Variants in FZD9 observed in about 807,000 individuals in gnomAD.
FZD9 encodes frizzled-9.
FZD9 carries 29 observed loss-of-function variants against 29.9 expected under a neutral mutation model. The ratio of observed to expected loss-of-function variants is 0.97; its 90% CI spans 0.72 to 1.32. FZD9 has a LOEUF of 1.32. Among genes scored for constraint, FZD9 ranks in the 40% most tolerant of loss-of-function variants. FZD9 has a pLI of 0.00. For synonymous variants in FZD9, 384 were observed against 393.9 expected (o/e 0.97, Z 0.30); for missense variants, 822 against 857.8 (o/e 0.96, Z 0.52).
chr7:73,435,214 C>A lies in FZD9; in HGVS notation c.1207C>A (p.Leu403Met). 1 of 1,613,458 alleles carries A rather than the reference C, an allele frequency of 6.2e-7. No individual in the cohort carries two copies. Among genetic ancestry groups the A allele is most frequent in the Non-Finnish European group, 8.5e-7 (1 of 1,180,030 alleles). Residue 403 changes from leucine to methionine, a missense_variant, in exon 1 of 1, where the codon CTG (leucine) becomes ATG (methionine). Physicochemically the swap from Leu to Met is conservative, Grantham distance 15. Coordinates refer to ENST00000344575, the MANE Select transcript of FZD9 (RefSeq NM_003508.3). ...TGCAGCAGCGCTCACGGGCTTCGTG[C>A]TGGTGCCCCTCTCTGGCTACCTGGT... ...TDAAALTGFV[L>M]VPLSGYLVLG...
Position 73,434,225 on chromosome 7 carries a change from T to C in FZD9, c.218T>C (p.Leu73Pro). 1 of 1,581,024 alleles carries C rather than the reference T, an allele frequency of 6.3e-7. No homozygotes were observed. Among genetic ancestry groups the C allele is most frequent in the Non-Finnish European group, 8.5e-7 (1 of 1,170,722 alleles). The change falls in exon 1 of 1, where the codon CTA becomes CCA. Residue 73 changes from leucine (L) to proline (P), a missense_variant. Physicochemically the swap from Leu to Pro is moderately conservative, Grantham distance 98. Coordinates refer to ENST00000344575, the MANE Select transcript of FZD9 (RefSeq NM_003508.3). ...HTSQGEAAAE[L>P]AEFAPLVQYG... is the part of the protein sequence containing the mutation. The stretch of plus-strand genomic sequence containing the variant: ...TCGCAGGGCGAGGCGGCTGCCGAGC[T>C]AGCGGAGTTCGCGCCGCTGGTGCAG...
chr7:73,434,966 TCTA>T lies in FZD9; in HGVS notation c.965_967del (p.Tyr322del). On this transcript the variant is annotated inframe_deletion, in exon 1 of 1. Coordinates refer to ENST00000344575, the MANE Select transcript of FZD9 (RefSeq NM_003508.3). ...GGCTGCACGCTGGTCTTCCTACTGC[TCTA>T]CTACTTCGGCATGGCCAGCTCGCTC... The T allele has an allele frequency of 6.2e-7, 1 of 1,614,066 alleles. No homozygotes were observed. The highest frequency in any genetic ancestry group is 8.5e-7 in the Non-Finnish European group (1 of 1,180,016).
chr7:73,434,739 C>G lies in FZD9; in HGVS notation c.732C>G (p.Phe244Leu). 1 of 1,610,520 alleles carries G rather than the reference C, an allele frequency of 6.2e-7. No homozygotes were observed. Among genetic ancestry groups the G allele is most frequent in the Non-Finnish European group, 8.5e-7 (1 of 1,179,872 alleles). ...CCGTGTGGTCGGCGCTGTGCTTCTT[C>G]TCCACCGCCTTCACTGTGCTCACCT... ...WMAVWSALCF[F>L]STAFTVLTFL... Residue 244 changes from phenylalanine to leucine, a missense_variant, in exon 1 of 1, where the codon TTC becomes TTG. Coordinates refer to ENST00000344575, the MANE Select transcript of FZD9 (RefSeq NM_003508.3).
In FZD9 at chr7:73,434,314, C is replaced by T. The variant is rs1554563240; in HGVS notation, c.307C>T (p.Gln103Ter). ...CSLYAPMCTD[Q>*]VSTPIPACRP... is the part of the protein sequence containing the mutation. ...GCTCTACGCGCCCATGTGCACCGAC[C>T]AGGTCTCGACGCCCATTCCCGCCTG... is the stretch of plus-strand genomic sequence containing the variant. The change falls in exon 1 of 1, where the codon CAG (glutamine) becomes TAG (stop). Residue 103 changes from glutamine (Q) to a stop codon, truncating the protein, a stop_gained. Coordinates refer to ENST00000344575, the MANE Select transcript of FZD9 (RefSeq NM_003508.3). LOFTEE classifies it low-confidence loss of function (END_TRUNC). 6.3e-7 allele frequency: 1 copy of T among 1,585,886 alleles called. No homozygotes were observed. The highest frequency in any genetic ancestry group is 1.7e-5 in the Admixed American group (1 of 57,774).
In FZD9 at chr7:73,434,316, G is replaced by T; in HGVS notation, c.309G>T (p.Gln103His). ...TCTACGCGCCCATGTGCACCGACCAGGTCTCGACGCCCATTCCCGCCTGCC... is the reference window on the plus strand; with the variant it reads ...TCTACGCGCCCATGTGCACCGACCATGTCTCGACGCCCATTCCCGCCTGCC... ...CSLYAPMCTD[Q>H]VSTPIPACRP... Residue 103 changes from glutamine to histidine, a missense_variant, in exon 1 of 1, where the codon CAG (glutamine) becomes CAT (histidine). Transcript: ENST00000344575. 6.3e-7 allele frequency: 1 copy of T among 1,585,756 alleles called. No homozygotes were observed. The highest frequency in any genetic ancestry group is 8.5e-7 in the Non-Finnish European group (1 of 1,173,174).
chr7:73,435,150 T>A lies in FZD9; in HGVS notation c.1143T>A (p.Gly381=). 3 of 1,612,378 alleles carry A rather than the reference T, an allele frequency of 1.9e-6. No homozygotes were observed. Among genetic ancestry groups the A allele is most frequent in the Non-Finnish European group, 2.5e-6 (3 of 1,179,790 alleles). The stretch of plus-strand genomic sequence containing the variant: ...TCCTGACCCTGCGCAAGGTGGCGGG[T>A]GATGAGCTGACTGGGCTTTGCTACG... ...IVILTLRKVA[G]DELTGLCYVA... The change falls in exon 1 of 1, where the codon GGT becomes GGA. Residue 381 remains glycine (G), a synonymous_variant. Coordinates refer to ENST00000344575, the MANE Select transcript of FZD9 (RefSeq NM_003508.3).
rs1787378965 is a variant in FZD9, at chr7:73,434,883, G to A, written c.876G>A (p.Val292=). 6.2e-7 allele frequency: 1 copy of A among 1,613,590 alleles called. No homozygotes were observed. The highest frequency in any genetic ancestry group is 1.3e-5 in the African/African-American group (1 of 75,052). Residue 292 remains valine (V), a synonymous_variant, in exon 1 of 1, where the codon GTG becomes GTA. Coordinates refer to ENST00000344575, the MANE Select transcript of FZD9 (RefSeq NM_003508.3). ...GTGCGGTGGCCGGAGCGCAGAGCGT[G>A]GCCTGTGACCAGGAGGCGGGCGCGC... ...LIRAVAGAQS[V]ACDQEAGALY...
chr7:73,435,763 G>A lies in FZD9; in HGVS notation c.1756G>A (p.Glu586Lys). The change falls in exon 1 of 1, where the codon GAG becomes AAG. Residue 586 changes from glutamate (E) to lysine (K), a missense_variant. Glu to Lys is a moderately conservative substitution (Grantham distance 56). Transcript: ENST00000344575. ...LHMTKTDPSLENPTHL is the reference protein window; with the variant it reads ...LHMTKTDPSLKNPTHL ...CATGACTAAGACGGACCCCTCTTTG[G>A]AGAACCCCACACACCTCTAGCCACA... 2 of 1,594,930 alleles carry A rather than the reference G, an allele frequency of 1.3e-6. No individual in the cohort carries two copies. The highest frequency in any genetic ancestry group is 1.7e-6 in the Non-Finnish European group (2 of 1,167,602).
chr7:73,435,717 G>A lies in FZD9; in HGVS notation c.1710G>A (p.Lys570=), dbSNP rs781891508. ...GACGTGGCACGCACTGCCACTATAAGGCTCCCACCGTGGTCTTGCACATGA... is the reference window on the plus strand; with the variant it reads ...GACGTGGCACGCACTGCCACTATAAAGCTCCCACCGTGGTCTTGCACATGA... ...SYGRGTHCHY[K]APTVVLHMTK... Residue 570 remains lysine (K), a synonymous_variant, in exon 1 of 1, where the codon AAG becomes AAA. Coordinates refer to ENST00000344575, the MANE Select transcript of FZD9 (RefSeq NM_003508.3). The A allele has an allele frequency of 1.2e-6, 2 of 1,612,212 alleles. No homozygotes were observed. The highest frequency in any genetic ancestry group is 2.7e-5 in the African/African-American group (2 of 74,924).
chr7:73,435,015 C>T lies in FZD9; in HGVS notation c.1008C>T (p.Leu336=). 1 of 1,614,000 alleles carries T rather than the reference C, an allele frequency of 6.2e-7. No individual in the cohort carries two copies. Among genetic ancestry groups the T allele is most frequent in the South Asian group, 1.1e-5 (1 of 91,086 alleles). ...ASSLWWVVLT[L]TWFLAAGKKW... is the part of the protein sequence containing the mutation. ...CGCTCTGGTGGGTGGTCCTGACGCTCACCTGGTTCCTGGCTGCCGGGAAGA... is the reference window on the plus strand; with the variant it reads ...CGCTCTGGTGGGTGGTCCTGACGCTTACCTGGTTCCTGGCTGCCGGGAAGA... The change falls in exon 1 of 1, where the codon CTC becomes CTT. Residue 336 remains leucine (L), a synonymous_variant. Coordinates refer to ENST00000344575, the MANE Select transcript of FZD9 (RefSeq NM_003508.3).
At position 73,434,418 on chromosome 7, in the gene FZD9, C is replaced by A; in HGVS notation, c.411C>A (p.Leu137=). The A allele has an allele frequency of 6.4e-7, 1 of 1,563,374 alleles. No individual in the cohort carries two copies. Among genetic ancestry groups the A allele is most frequent in the East Asian group, 2.4e-5 (1 of 42,066 alleles). ...EQFNFGWPDS[L]DCARLPTRND... is the part of the protein sequence containing the mutation. ...TCAACTTCGGCTGGCCGGACTCGCT[C>A]GACTGCGCCCGGCTGCCCACGCGCA... is the stretch of plus-strand genomic sequence containing the variant. The change falls in exon 1 of 1, where the codon CTC becomes CTA. Residue 137 remains leucine (L), a synonymous_variant. Transcript: ENST00000344575.
chr7:73,434,678 C>G lies in FZD9; in HGVS notation c.671C>G (p.Ser224Cys), dbSNP rs1787370761. 2 of 1,602,846 alleles carry G rather than the reference C, an allele frequency of 1.2e-6. No individual in the cohort carries two copies. Among genetic ancestry groups the G allele is most frequent in the Admixed American group, 1.7e-5 (1 of 59,982 alleles). Residue 224 changes from serine (S) to cysteine (C), a missense_variant, in exon 1 of 1, where the codon TCC becomes TGC. Physicochemically the swap from Ser to Cys is moderately radical, Grantham distance 112. Transcript: ENST00000344575. ...GGGCCCGGCGTCGAGGTGTTCTGGT[C>G]CCGGCGCGACAAGGACTTCGCGCTG... ...RCGPGVEVFW[S>C]RRDKDFALVW...
In FZD9 at chr7:73,435,597, C is replaced by A. The variant is rs139673113; in HGVS notation, c.1590C>A (p.Ser530Arg). ...TCACCAGCGGCGTCTGGGTGTGGAG[C>A]TCCAAGACTTTCCAGACCTGGCAGA... The part of the protein sequence containing the change: ...VGITSGVWVW[S>R]SKTFQTWQSL... The change falls in exon 1 of 1, where the codon AGC (serine) becomes AGA (arginine). Residue 530 changes from serine (S) to arginine (R), a missense_variant. Ser to Arg is a moderately radical substitution (Grantham distance 110). Coordinates refer to ENST00000344575, the MANE Select transcript of FZD9 (RefSeq NM_003508.3). 1.2e-6 allele frequency: 2 copies of A among 1,613,198 alleles called. No individual in the cohort carries two copies. Among genetic ancestry groups the A allele is most frequent in the Non-Finnish European group, 1.7e-6 (2 of 1,179,876 alleles).
rs782249737 is a variant in FZD9, at chr7:73,434,366, T to TGCGCTGCGCGCCC, written c.360_372dup (p.Ile125AlafsTer175). The TGCGCTGCGCGCCC allele has an allele frequency of 5.1e-6, 8 of 1,583,806 alleles. No individual in the cohort carries two copies. The highest frequency in any genetic ancestry group is 6.8e-6 in the Non-Finnish European group (8 of 1,172,076). ...CGGCCCATGTGCGAGCAGGCGCGCC[T>TGCGCTGCGCGCCC]GCGCTGCGCGCCCATCATGGAGCAG... On this transcript the variant is annotated frameshift_variant, in exon 1 of 1. Coordinates refer to ENST00000344575, the MANE Select transcript of FZD9 (RefSeq NM_003508.3). LOFTEE classifies it low-confidence loss of function (END_TRUNC).
At position 73,434,930 on chromosome 7, in the gene FZD9, T is replaced by A. The variant is rs1554563477; in HGVS notation, c.923T>A (p.Leu308Gln). 2 of 1,613,948 alleles carry A rather than the reference T, an allele frequency of 1.2e-6. No individual in the cohort carries two copies. The highest frequency in any genetic ancestry group is 4.5e-5 in the East Asian group (2 of 44,884). Reference protein sequence around the residue: ...AGALYVIQEGLENTGCTLVFL... With the variant: ...AGALYVIQEGQENTGCTLVFL... ...GCGCTCTACGTGATCCAGGAGGGCC[T>A]GGAGAACACGGGCTGCACGCTGGTC... The change falls in exon 1 of 1, where the codon CTG becomes CAG. Residue 308 changes from leucine (L) to glutamine (Q), a missense_variant. Physicochemically the swap from Leu to Gln is moderately radical, Grantham distance 113. Transcript: ENST00000344575.
chr7:73,435,659 G>C lies in FZD9; in HGVS notation c.1652G>C (p.Arg551Pro). 1 of 1,613,112 alleles carries C rather than the reference G, an allele frequency of 6.2e-7. No homozygotes were observed. Among genetic ancestry groups the C allele is most frequent in the East Asian group, 2.2e-5 (1 of 44,876 alleles). Residue 551 changes from arginine to proline, a missense_variant, in exon 1 of 1, where the codon CGG (arginine) becomes CCG (proline). Coordinates refer to ENST00000344575, the MANE Select transcript of FZD9 (RefSeq NM_003508.3). Reference sequence around the variant, plus strand: ...CGCAAGATAGCAGCTGGCCGGGCCCGGGCCAAGGCCTGCCGCGCCCCCGGG... The same window carrying C: ...CGCAAGATAGCAGCTGGCCGGGCCCCGGCCAAGGCCTGCCGCGCCCCCGGG... ...CYRKIAAGRA[R>P]AKACRAPGSY...
Position 73,435,249 on chromosome 7 carries a change from T to C in FZD9, c.1242T>C (p.Ser414=), listed in dbSNP as rs1787391962. The C allele has an allele frequency of 6.2e-7, 1 of 1,613,552 alleles. No individual in the cohort carries two copies. The highest frequency in any genetic ancestry group is 8.5e-7 in the Non-Finnish European group (1 of 1,179,962). ...TCTCTGGCTACCTGGTGCTGGGCAG[T>C]AGTTTCCTCCTGACCGGCTTCGTGG... ...VPLSGYLVLG[S]SFLLTGFVAL... The change falls in exon 1 of 1, where the codon AGT becomes AGC. Residue 414 remains serine (S), a synonymous_variant. Coordinates refer to ENST00000344575, the MANE Select transcript of FZD9 (RefSeq NM_003508.3).
chr7:73,433,939 C>T lies in FZD9; in HGVS notation c.-69C>T, dbSNP rs1787341884. 5 of 1,108,572 alleles carry T rather than the reference C, an allele frequency of 4.5e-6. No homozygotes were observed. Among genetic ancestry groups the T allele is most frequent in the Admixed American group, 5.0e-5 (1 of 19,946 alleles). The allele number at this position is 1,108,572 out of a possible 1,614,324, so 68.7% of individuals were successfully genotyped here. A position where few individuals can be genotyped will look rare whatever the true frequency, so the allele number is the denominator to read the frequency against. ...GCCCCGCGACGTGGCGGGCAGGCAC[C>T]GGGGCGCGGGACCGCTGAGCCCGAG... On this transcript the variant is annotated 5_prime_UTR_variant, in exon 1 of 1. Transcript: ENST00000344575.
Position 73,435,480 on chromosome 7 carries a change from CGGAGGCCGGAGGGACT to C in FZD9, c.1475_1490del (p.Gly492AlafsTer49). 1 of 1,612,682 alleles carries C rather than the reference CGGAGGCCGGAGGGACT, an allele frequency of 6.2e-7. No individual in the cohort carries two copies. The highest frequency in any genetic ancestry group is 8.5e-7 in the Non-Finnish European group (1 of 1,179,588). On this transcript the variant is annotated frameshift_variant, in exon 1 of 1. Coordinates refer to ENST00000344575, the MANE Select transcript of FZD9 (RefSeq NM_003508.3). LOFTEE classifies it high-confidence loss of function. ...AGCCATGCGCAGCGGCCGCGGGGCC[CGGAGGCCGGAGGGACT>C]GCTCGCTGCCAGGGGGCTCGGTGCC... is the stretch of plus-strand genomic sequence containing the variant.
Sources: gnomAD v4.1 joint callset for allele counts on GRCh38, gnomAD v4.1.1 for gene constraint, MANE v1.5 for transcripts, NCBI Gene and HGNC (gene_info 2026-07-23, HGNC 2026-07-21) for gene names.